NAV3: variants seen among roughly 807,000 people sequenced by gnomAD.
The protein encoded by NAV3 is neuron navigator 3, also known as pore membrane and/or filament interacting like protein 1.
Under a neutral mutation model 244.7 loss-of-function variants are expected in NAV3, and 87 were observed. The ratio of observed to expected loss-of-function variants is 0.36; its 90% CI spans 0.30 to 0.42. The LOEUF (loss-of-function observed/expected upper bound fraction) is 0.42, where lower values mean the gene tolerates loss of function less well. Ranked by LOEUF, NAV3 falls within the 20% of genes least tolerant of loss-of-function variation. The pLI is 1.00. For missense variants in NAV3, 2,663 were observed against 2,893.3 expected (o/e 0.92, Z 1.83); for synonymous variants, 1,126 against 1,042.2 (o/e 1.08, Z -1.55).
rs569241782 is a variant in NAV3, at chr12:77,647,034, T to C, written c.72+74768T>C. 2.7e-5 allele frequency among the ~76,000 whole-genome samples: 4 copies of C among 149,890 alleles called. No individual in the cohort carries two copies. The East Asian group carries it at 5.9e-4, about 22-fold the overall frequency. ...ATATACATGGACATACACACACACA[T>C]ATATACATGGTGTATGTGTGAACAT... On this transcript the variant is annotated intron_variant, in intron 2 of 8. Transcript: ENST00000550042.
chr12:77,873,336 A>C (rs1010815769), intron 1 of NAV3, among the ~76,000 whole-genome samples: 7 of 152,112 alleles, frequency 4.6e-5, no homozygotes, highest in African/African-American at 1.7e-4. Flanking sequence ...ATATATGTGA[A>C]GATAAACAAT....
At chr12:77,683,907 T>C (rs1184953687) in intron 2 of NAV3, among the ~76,000 whole-genome samples, 2 of 152,198 alleles carry the variant, frequency 1.3e-5, no homozygotes, top group East Asian at 3.8e-4. Context: ...CATACATTTG[T>C]GTATAATATT....
intron 19 of NAV3, among the ~76,000 whole-genome samples, chr12:78,139,758 G>A (rs539363881): frequency 1.8e-4 from 28 of 151,810 alleles, no homozygotes; most frequent in Non-Finnish European, 3.2e-4. Flanking sequence ...CCTAAAATTA[G>A]TAAAGGAACA....
intron 2 of NAV3, among the ~76,000 whole-genome samples, chr12:77,649,328 A>G (rs1872727732): frequency 6.6e-6 from 1 of 152,122 alleles, no homozygotes. Flanking sequence ...CTATTTCTAT[A>G]TAGATTTTTA....
intron 7 of NAV3, among the ~76,000 whole-genome samples, chr12:78,002,091 G>A (rs951926374): frequency 6.6e-6 from 1 of 152,122 alleles, no homozygotes; most frequent in East Asian, 1.9e-4. Flanking sequence ...CCTGAAGCAA[G>A]TTACCTTAAG....
chr12:77,662,688 G>T (rs1324365508), intron 2 of NAV3, among the ~76,000 whole-genome samples: 3 of 152,144 alleles, frequency 2.0e-5, no homozygotes, highest in Admixed American at 6.5e-5. Flanking sequence ...TTATAAAAAT[G>T]AGACTTTACA....
At chr12:77,806,477 T>C (rs963626790) in intron 2 of NAV3, among the ~76,000 whole-genome samples, 16 of 152,248 alleles carry the variant, frequency 1.1e-4, no homozygotes, top group African/African-American at 3.6e-4. Flanking sequence ...TGTGCAGTTT[T>C]GAGTGAGTTT....
intron 12 of NAV3, among the ~76,000 whole-genome samples, chr12:78,074,629 G>A: frequency 6.6e-6 from 1 of 152,142 alleles, no homozygotes; most frequent in Non-Finnish European, 1.5e-5. Flanking sequence ...ACTTAAGCCT[G>A]GGAGGTGGAG....
chr12:77,899,485 A>G (rs1033434605), intron 1 of NAV3, among the ~76,000 whole-genome samples: 10 of 152,250 alleles, frequency 6.6e-5, no homozygotes, highest in African/African-American at 2.2e-4. Context: ...GAAGCCTCAG[A>G]TGATTGTTAG....
chr12:77,624,193 T>A (rs1871512789), intron 2 of NAV3, among the ~76,000 whole-genome samples: 1 of 151,800 alleles, frequency 6.6e-6, no homozygotes, highest in Non-Finnish European at 1.5e-5. Context: ...AAAGTAGAAA[T>A]GAAATAAAGG....
At chr12:78,175,813 A>T (rs1958197974) in intron 25 of NAV3, among the ~76,000 whole-genome samples, 1 of 133,200 alleles carries the variant, frequency 7.5e-6, no homozygotes, top group Admixed American at 7.9e-5. Context: ...GAAAAATAAG[A>T]TAACATCTGT....
intron 5 of NAV3, among the ~76,000 whole-genome samples, chr12:77,971,099 G>A (rs1243108721): frequency 2.6e-5 from 4 of 151,954 alleles, no homozygotes; most frequent in Non-Finnish European, 4.4e-5. Context: ...GGATATACAT[G>A]GCTGTTGTGA....
chr12:77,786,223 A>G (rs1166523046), intron 2 of NAV3, among the ~76,000 whole-genome samples: 1 of 152,172 alleles, frequency 6.6e-6, no homozygotes, highest in African/African-American at 2.4e-5. Flanking sequence ...TATTTCTTTT[A>G]GAGAAGTATG....
intron 31 of NAV3, among the ~76,000 whole-genome samples, 170 bp from the exon 32 acceptor site, chr12:78,188,078 T>C (rs756001405): frequency 6.6e-6 from 1 of 151,936 alleles, no homozygotes; most frequent in Non-Finnish European, 1.5e-5. Flanking sequence ...TTGGCTGAAA[T>C]ATGTTTTATG....
At chr12:77,881,201 T>C (rs1263474336) in intron 1 of NAV3, among the ~76,000 whole-genome samples, 1 of 152,166 alleles carries the variant, frequency 6.6e-6, no homozygotes, top group African/African-American at 2.4e-5. Flanking sequence ...GAATTTATTA[T>C]GGATATAACA....
intron 22 of NAV3, among the ~76,000 whole-genome samples, chr12:78,157,544 G>A (rs1957357030): frequency 6.6e-6 from 1 of 151,950 alleles, no homozygotes; most frequent in Admixed American, 6.6e-5. Context: ...CTGGGTGGCA[G>A]CAAGACACTG....
intron 12 of NAV3, among the ~76,000 whole-genome samples, chr12:78,067,647 A>G (rs942419308): frequency 2.0e-5 from 3 of 152,044 alleles, no homozygotes; most frequent in African/African-American, 7.2e-5. Context: ...TTTTTATTCA[A>G]GAGTCTTATA....
At chr12:77,966,565 T>A (rs759525215) in intron 4 of NAV3, among the ~76,000 whole-genome samples, 2 of 152,234 alleles carry the variant, frequency 1.3e-5, no homozygotes, top group East Asian at 3.9e-4. Flanking sequence ...TATCTTTATG[T>A]TATTACTAGT....
intron 5 of NAV3, among the ~76,000 whole-genome samples, chr12:77,994,014 T>C (rs902757383): frequency 5.3e-5 from 8 of 152,232 alleles, no homozygotes; most frequent in Non-Finnish European, 2.9e-5. Context: ...TTGAACTTAA[T>C]GTATAAATGT....
Sources: gnomAD v4.1 joint callset for allele counts (sites outside exome capture counted in the v4.1 genomes callset) on GRCh38, gnomAD v4.1.1 for gene constraint, MANE v1.5 for transcripts, NCBI Gene and HGNC (gene_info 2026-07-23, HGNC 2026-07-21) for gene names.